The following FAM185A variants were observed in gnomAD, a reference collection of about 807,000 sequenced individuals.
FAM185A encodes the protein family with sequence similarity 185 member A.
FAM185A carries 21 observed loss-of-function variants against 45.7 expected under a neutral mutation model. The ratio of observed to expected loss-of-function variants is 0.46; its 90% confidence interval spans 0.33 to 0.66. FAM185A has a LOEUF of 0.66. Among genes scored for constraint, FAM185A ranks in the 30% least tolerant of loss-of-function variants. FAM185A has a pLI of 0.03. For synonymous variants in FAM185A, 117 were observed against 194.0 expected (o/e 0.60, Z 3.30); for missense variants, 305 against 485.4 (o/e 0.63, Z 3.49).
At chr7:102,834,878 ATGTGTGTGTG>A in the FAM185A span, among the ~76,000 whole-genome samples, 140 of 147,160 alleles carry the variant, frequency 9.5e-4, no homozygotes, top group East Asian at 4.6e-3. Context: ...CCATTCCACA[ATGTGTGTGTG>A]TGTGTGTGTG....
At position 102,801,848 on chromosome 7, in the gene FAM185A, G is replaced by C. The variant is rs192996489; in HGVS notation, c.1067-6442G>C. ...GCTGAGGCAGAATTGCTTGAACCCG[G>C]GAGGCAGAGGTTGCAGTGAGCTGAG... On this transcript the variant is annotated intron_variant, in intron 7 of 7. Transcript: ENST00000413034. 1.7e-3 allele frequency among the ~76,000 whole-genome samples: 265 copies of C among 152,100 alleles called. 3 individuals are homozygous for C. Among genetic ancestry groups the C allele is most frequent in the Admixed American group, 7.0e-3 (107 of 15,290 alleles).
chr7:102,808,420 T>A lies in FAM185A; in HGVS notation c.*18T>A. On this transcript the variant is annotated 3_prime_UTR_variant, in exon 8 of 8. Coordinates refer to ENST00000413034, the MANE Select transcript of FAM185A (RefSeq NM_001145268.2). ...AGGACTAAAACTGATTTGAGTTGGA[T>A]TTATGATTTTTAACAATGATTCGCA... The A allele has an allele frequency of 7.4e-7, 1 of 1,357,978 alleles. No homozygotes were observed. The highest frequency in any genetic ancestry group is 1.0e-6 in the Non-Finnish European group (1 of 971,644). The allele number at this position is 1,357,978 out of a possible 1,614,324, so 84.1% of individuals were successfully genotyped here. A position where few individuals can be genotyped will look rare whatever the true frequency, so the allele number is the denominator to read the frequency against.
In FAM185A at chr7:102,808,426, AT is replaced by A; in HGVS notation, c.*29del. The A allele has an allele frequency of 7.6e-7, 1 of 1,318,618 alleles. No individual in the cohort carries two copies. Among genetic ancestry groups the A allele is most frequent in the East Asian group, 2.5e-5 (1 of 39,812 alleles). The allele number at this position is 1,318,618 out of a possible 1,614,324, so 81.7% of individuals were successfully genotyped here. On this transcript the variant is annotated 3_prime_UTR_variant, in exon 8 of 8. Coordinates refer to ENST00000413034, the MANE Select transcript of FAM185A (RefSeq NM_001145268.2). ...AAAACTGATTTGAGTTGGATTTATG[AT>A]TTTTAACAATGATTCGCAGATCTGT...
the FAM185A span, chr7:102,822,468 C>T: frequency 1.7e-6 from 1 of 588,372 alleles, no homozygotes; most frequent in Non-Finnish European, 3.2e-6. Context: ...AGAGAGAGAG[C>T]TCTAGTCTTT....
the FAM185A span, among the ~76,000 whole-genome samples, chr7:102,828,069 C>G: frequency 2.6e-5 from 4 of 152,106 alleles, no homozygotes; most frequent in Admixed American, 6.5e-5. Context: ...AATGCGGGCT[C>G]TTTTTTGGTT....
chr7:102,787,658 C>T (rs1795890256), intron 7 of FAM185A, among the ~76,000 whole-genome samples, 189 bp downstream of exon 7: 1 of 152,190 alleles, frequency 6.6e-6, no homozygotes, highest in South Asian at 2.1e-4. Flanking sequence ...AAAAAGACCT[C>T]ATTAAATCAT....
the FAM185A span, among the ~76,000 whole-genome samples, chr7:102,816,646 A>C: frequency 5.3e-5 from 8 of 152,178 alleles, no homozygotes; most frequent in Non-Finnish European, 1.2e-4. Context: ...CAGGGTGTAC[A>C]CGTGCAGGTT....
the FAM185A span, among the ~76,000 whole-genome samples, chr7:102,820,452 G>A: frequency 6.6e-6 from 1 of 152,168 alleles, no homozygotes; most frequent in Non-Finnish European, 1.5e-5. Context: ...GTCTTACTAT[G>A]CCTTGTTTTA....
intron 5 of FAM185A, among the ~76,000 whole-genome samples, chr7:102,773,753 T>G (rs1252867452): frequency 6.6e-6 from 1 of 152,102 alleles, no homozygotes; most frequent in Non-Finnish European, 1.5e-5. Flanking sequence ...TATCATCATT[T>G]GTTGAAAAAA....
chr7:102,826,769 A>T, the FAM185A span, among the ~76,000 whole-genome samples: 1 of 100,742 alleles, frequency 9.9e-6, no homozygotes, highest in Non-Finnish European at 2.0e-5. Flanking sequence ...ATATATATAT[A>T]TATGTATATA....
intron 1 of FAM185A, among the ~76,000 whole-genome samples, chr7:102,751,345 T>C (rs1363044088): frequency 6.6e-6 from 1 of 152,184 alleles, no homozygotes; most frequent in Non-Finnish European, 1.5e-5. Flanking sequence ...AGGTTAGACA[T>C]AGGATTTGAA....
intron 3 of FAM185A, among the ~76,000 whole-genome samples, chr7:102,759,668 A>G (rs747921993): frequency 1.3e-5 from 2 of 152,134 alleles, no homozygotes; most frequent in African/African-American, 2.4e-5. Context: ...ACTAAGCTCT[A>G]TAACTGGACA....
At chr7:102,788,524 CAT>C (rs1338788435) in intron 7 of FAM185A, among the ~76,000 whole-genome samples, 1 of 152,082 alleles carries the variant, frequency 6.6e-6, no homozygotes, top group Non-Finnish European at 1.5e-5. Context: ...TGTTAAAATT[CAT>C]AGAATATTAC....
the FAM185A span, among the ~76,000 whole-genome samples, chr7:102,830,425 C>G: frequency 1.3e-5 from 2 of 152,312 alleles, no homozygotes; most frequent in Admixed American, 1.3e-4. Flanking sequence ...TGTGAACTAT[C>G]ACTGTTTAAG....
chr7:102,821,309 T>C, the FAM185A span, among the ~76,000 whole-genome samples: 1 of 152,286 alleles, frequency 6.6e-6, no homozygotes, highest in Non-Finnish European at 1.5e-5. Context: ...GCCCTACCCC[T>C]GCAGGCCTGG....
chr7:102,850,083 A>G, the FAM185A span, among the ~76,000 whole-genome samples: 1 of 152,210 alleles, frequency 6.6e-6, no homozygotes, highest in Admixed American at 6.5e-5. Flanking sequence ...ACTGAAAATA[A>G]ATACATGTCA....
chr7:102,810,352 C>T (rs921441677), downstream of FAM185A, among the ~76,000 whole-genome samples: 2 of 151,956 alleles, frequency 1.3e-5, no homozygotes, highest in Non-Finnish European at 2.9e-5. Context: ...CATGCCTCAG[C>T]CACCACAGTA....
In FAM185A at chr7:102,777,256, C is replaced by G. The variant is rs776450869; in HGVS notation, c.839C>G (p.Ser280Trp). The change falls in exon 6 of 8, where the codon TCG becomes TGG. Residue 280 changes from serine to tryptophan, a missense_variant. Physicochemically the swap from Ser to Trp is radical, Grantham distance 177 (BLOSUM62 -3). Coordinates refer to ENST00000413034, the MANE Select transcript of FAM185A (RefSeq NM_001145268.2). ...TATGGTTTTTTCTTCTTCCTAGATTCGTCTTCTGGATGTCTAAAAGCCTCA... is the reference window on the plus strand; with the variant it reads ...TATGGTTTTTTCTTCTTCCTAGATTGGTCTTCTGGATGTCTAAAAGCCTCA... ...QSKMGNITVDSSSGCLKASTN... is the reference protein window; with the variant it reads ...QSKMGNITVDWSSGCLKASTN... 6.5e-7 allele frequency: 1 copy of G among 1,547,786 alleles called. No homozygotes were observed.
At chr7:102,827,547 TTAAG>T in the FAM185A span, among the ~76,000 whole-genome samples, 1 of 152,188 alleles carries the variant, frequency 6.6e-6, no homozygotes, top group African/African-American at 2.4e-5. Context: ...TTTTTATACT[TTAAG>T]TTTTAGGGTA....
Sources: gnomAD v4.1 joint callset for allele counts (sites outside exome capture counted in the v4.1 genomes callset) on GRCh38, gnomAD v4.1.1 for gene constraint, MANE v1.5 for transcripts, NCBI Gene and HGNC (gene_info 2026-07-23, HGNC 2026-07-21) for gene names.